UGP2: variants seen among roughly 807,000 people sequenced by gnomAD.
UGP2 encodes the protein UDP-glucose pyrophosphorylase 2.
Under a neutral mutation model 49.0 loss-of-function variants are expected in UGP2, and 40 were observed. The ratio of observed to expected loss-of-function variants is 0.82; its 90% CI spans 0.63 to 1.06. The LOEUF (loss-of-function observed/expected upper bound fraction) is 1.06, where lower values mean the gene tolerates loss of function less well. UGP2 is among the 50% of genes least tolerant of loss of function. The pLI, the probability that UGP2 is intolerant of heterozygous loss-of-function variation, is 0.00. For missense variants in UGP2, 460 were observed against 603.5 expected (o/e 0.76, Z 2.49); for synonymous variants, 225 against 213.0 (o/e 1.06, Z -0.49).
intron 1 of UGP2, among the ~76,000 whole-genome samples, chr2:63,848,335 C>T (rs975072940): frequency 3.3e-5 from 5 of 152,184 alleles, no homozygotes; most frequent in Admixed American, 6.5e-5. Context: ...GGCACAATGA[C>T]TATTAACTGA....
At chr2:63,867,101 A>G (rs956811568) in intron 3 of UGP2, among the ~76,000 whole-genome samples, 1 of 152,214 alleles carries the variant, frequency 6.6e-6, no homozygotes, top group Non-Finnish European at 1.5e-5. Context: ...CCCTAATTTT[A>G]TGATAGAGAG....
intron 3 of UGP2, among the ~76,000 whole-genome samples, chr2:63,874,583 G>A (rs1220284723): frequency 6.6e-6 from 1 of 152,088 alleles, no homozygotes; most frequent in Admixed American, 6.5e-5. Context: ...CAAGGTTTAG[G>A]GACTGGTCTG....
chr2:63,886,349 A>G lies in UGP2; in HGVS notation c.882A>G (p.Thr294=), dbSNP rs144140133. The change falls in exon 7 of 10, where the codon ACA becomes ACG. Residue 294 remains threonine, a synonymous_variant. Transcript: ENST00000337130. ...ATTTTCTGCCTTTCTAGGGCGGGAC[A>G]CTCACTCAATATGAAGGCAAACTGA... The part of the protein sequence containing the change: ...NKTRADVKGG[T]LTQYEGKLRL... 7.7e-5 allele frequency: 125 copies of G among 1,614,110 alleles called. No individual in the cohort carries two copies. In the Middle Eastern group the frequency reaches 1.5e-3, roughly 19 times the overall value.
intron 3 of UGP2, among the ~76,000 whole-genome samples, chr2:63,881,843 G>A (rs1291273903): frequency 6.6e-6 from 1 of 152,162 alleles, no homozygotes; most frequent in African/African-American, 2.4e-5. Flanking sequence ...TCCAGTATTG[G>A]CTTTTATATG....
rs1479857593 is a variant in UGP2 at position 63,883,972 on chromosome 2, A to C, written c.454A>C (p.Thr152Pro). ...TVQQIEHLNK[T>P]YNTDVPLVLM... is the part of the protein sequence containing the mutation. ...TTTTCCTCCCTAGCATTTGAATAAAACCTACAATACAGATGTTCCTCTTGT... is the reference window on the plus strand; with the variant it reads ...TTTTCCTCCCTAGCATTTGAATAAACCCTACAATACAGATGTTCCTCTTGT... Residue 152 changes from threonine (T) to proline (P), a missense_variant, in exon 5 of 10, where the codon ACC becomes CCC. Thr to Pro is a conservative substitution (Grantham distance 38, BLOSUM62 -1). Around this residue, in one of 2 missense-constraint regions of UGP2, gnomAD observed 317 missense variants for 473.0 expected, o/e 0.67. Transcript: ENST00000337130. The C allele has an allele frequency of 1.2e-6, 2 of 1,604,562 alleles. No homozygotes were observed.
intron 3 of UGP2, among the ~76,000 whole-genome samples, chr2:63,879,680 G>A (rs1575845435): frequency 6.6e-6 from 1 of 152,210 alleles, no homozygotes; most frequent in African/African-American, 2.4e-5. Context: ...TGTGATTAGG[G>A]GCAGATGCAT....
At chr2:63,860,243 G>C (rs1377633257) in intron 3 of UGP2, among the ~76,000 whole-genome samples, 1 of 152,140 alleles carries the variant, frequency 6.6e-6, no homozygotes, top group Non-Finnish European at 1.5e-5. Context: ...TCAAAGGTGT[G>C]ACATAAACAT....
At position 63,885,608 on chromosome 2, in the gene UGP2, G is replaced by T; in HGVS notation, c.595G>T (p.Glu199Ter). 1 of 1,556,080 alleles carries T rather than the reference G, an allele frequency of 6.4e-7. No homozygotes were observed. The highest frequency in any genetic ancestry group is 1.2e-5 in the South Asian group (1 of 82,044). ...NQSRYPRINK[E>*]SLLPVAKDVS... ...TTAAAGGTACCCGAGGATTAATAAA[G>T]AATCTTTACTTCCTGTAGCAAAGGA... is the stretch of plus-strand genomic sequence containing the variant. The change falls in exon 6 of 10, where the codon GAA becomes TAA. Residue 199 changes from glutamate (E) to a stop codon, truncating the protein, a stop_gained. Coordinates refer to ENST00000337130, the MANE Select transcript of UGP2 (RefSeq NM_006759.4). LOFTEE classifies it high-confidence loss of function.
chr2:63,875,534 A>G (rs1324079807), intron 3 of UGP2, among the ~76,000 whole-genome samples: 1 of 152,262 alleles, frequency 6.6e-6, no homozygotes, highest in Non-Finnish European at 1.5e-5. Context: ...CATGGTAGAT[A>G]GTTTTAAAAA....
chr2:63,872,032 A>G (rs907705683), intron 3 of UGP2, among the ~76,000 whole-genome samples: 1 of 152,256 alleles, frequency 6.6e-6, no homozygotes, highest in Admixed American at 6.5e-5. Flanking sequence ...GACTATATGT[A>G]AACGAATGAG....
At chr2:63,848,232 C>T (rs1052527061) in intron 1 of UGP2, among the ~76,000 whole-genome samples, 2 of 152,188 alleles carry the variant, frequency 1.3e-5, no homozygotes, top group African/African-American at 4.8e-5. Flanking sequence ...ACATAGCCTA[C>T]AATTTCTTTT....
intron 5 of UGP2, among the ~76,000 whole-genome samples, chr2:63,884,962 G>T (rs968780999): frequency 8.9e-5 from 10 of 112,266 alleles, no homozygotes; most frequent in Admixed American, 6.0e-4. Flanking sequence ...TAGTTTGTTT[G>T]GTTGTTTTTA....
intron 3 of UGP2, among the ~76,000 whole-genome samples, chr2:63,881,470 T>C (rs928942316): frequency 1.3e-5 from 2 of 152,234 alleles, no homozygotes; most frequent in African/African-American, 2.4e-5. Flanking sequence ...TGTTAGCTGT[T>C]GTACACCATG....
At chr2:63,878,489 T>C (rs983264730) in intron 3 of UGP2, among the ~76,000 whole-genome samples, 1 of 152,244 alleles carries the variant, frequency 6.6e-6, no homozygotes, top group Non-Finnish European at 1.5e-5. Context: ...CATGACTAAG[T>C]ACAGGAAAGA....
intron 1 of UGP2, chr2:63,842,410 G>A (rs765551026): frequency 6.3e-7 from 1 of 1,580,752 alleles, no homozygotes; most frequent in Non-Finnish European, 8.5e-7. Flanking sequence ...GTACCCTGCT[G>A]GGTTTAGTTT....
Position 63,886,492 on chromosome 2 carries a change from T to A in UGP2, c.1025T>A (p.Leu342Gln). ...ATTTCTCTTGCAGCAGTTAAAAGAC[T>A]GCAGGAGCAAAATGCCATTGACATG... The part of the protein sequence containing the change: ...LWISLAAVKR[L>Q]QEQNAIDMEI... Residue 342 changes from leucine to glutamine, a missense_variant, in exon 7 of 10, where the codon CTG (leucine) becomes CAG (glutamine). Physicochemically the swap from Leu to Gln is moderately radical, Grantham distance 113 (BLOSUM62 -2). This residue lies in a region of UGP2 where 317 missense variants were observed against 473.0 expected (regional missense o/e 0.67). Transcript: ENST00000337130. 6.2e-7 allele frequency: 1 copy of A among 1,614,194 alleles called. No homozygotes were observed. Among genetic ancestry groups the A allele is most frequent in the Non-Finnish European group, 8.5e-7 (1 of 1,180,032 alleles).
At chr2:63,846,947 A>G (rs1354367688) in intron 1 of UGP2, among the ~76,000 whole-genome samples, 1 of 152,218 alleles carries the variant, frequency 6.6e-6, no homozygotes, top group East Asian at 1.9e-4. Flanking sequence ...CACAGTTATA[A>G]ATGTAAAAAA....
chr2:63,850,503 A>G (rs1668978853), intron 1 of UGP2, among the ~76,000 whole-genome samples: 2 of 152,216 alleles, frequency 1.3e-5, no homozygotes, highest in African/African-American at 2.4e-5. Flanking sequence ...TATTTTTTCT[A>G]TATTTTTCCC....
At chr2:63,855,524 T>TTG in intron 1 of UGP2, 1 of 146,248 alleles carries the variant, frequency 6.8e-6, no homozygotes, top group South Asian at 7.8e-5. Flanking sequence ...TTTTCTGTTT[T>TTG]TTTTTTTTTT....
Sources: allele counts gnomAD v4.1 joint callset (sites outside exome capture counted in the v4.1 genomes callset), GRCh38; gene constraint gnomAD v4.1.1; regional missense constraint gnomAD v4.1.1; transcripts MANE v1.5; gene names NCBI Gene and HGNC (gene_info 2026-07-23, HGNC 2026-07-21).